Variants in ARF1 observed in about 807,000 individuals in gnomAD.
The protein encoded by ARF1 is ARF GTPase 1, also known as ADP-ribosylation factor 1.
Under a neutral mutation model 18.0 loss-of-function variants are expected in ARF1, and 1 was observed. The ratio of observed to expected loss-of-function variants is 0.06; its 90% confidence interval spans 0.02 to 0.26. The LOEUF is 0.26. Ranked by LOEUF, ARF1 falls within the 10% of genes least tolerant of loss-of-function variation. The pLI is 1.00. For missense variants in ARF1, 73 were observed against 247.2 expected, an observed-to-expected ratio of 0.30 and a Z score of 4.73; for synonymous variants, 112 against 96.3, an observed-to-expected ratio of 1.16 and a Z score of -0.95.
chr1:228,093,862 G>A lies in ARF1; in HGVS notation c.-37-3216G>A, dbSNP rs1021771603. Reference sequence around the variant, plus strand: ...AGAATCTCGAACCTGGGAGGCAGAGGTTGCAGTGAGCCGAGATCGCACCTG... The same window carrying A: ...AGAATCTCGAACCTGGGAGGCAGAGATTGCAGTGAGCCGAGATCGCACCTG... On this transcript the variant is annotated intron_variant, in intron 1 of 4. Transcript: ENST00000272102. Among the ~76,000 whole-genome samples the A allele has an allele frequency of 5.3e-5, 8 of 150,792 alleles. No individual in the cohort carries two copies. In the South Asian group the frequency reaches 6.3e-4, roughly 12 times the overall value.
intron 1 of ARF1, among the ~76,000 whole-genome samples, chr1:228,086,984 C>G (rs566228177): frequency 6.6e-6 from 1 of 152,282 alleles, no homozygotes; most frequent in East Asian, 1.9e-4. Flanking sequence ...AGGGAGAAAC[C>G]CCTGCTCATG....
intron 1 of ARF1, among the ~76,000 whole-genome samples, chr1:228,091,431 C>T (rs1192090081): frequency 6.6e-6 from 1 of 152,178 alleles, no homozygotes; most frequent in Non-Finnish European, 1.5e-5. Context: ...CCTCTAAAAA[C>T]ATCCTGAAAC....
intron 1 of ARF1, among the ~76,000 whole-genome samples, chr1:228,090,112 T>G (rs2032530384): frequency 1.3e-5 from 2 of 152,244 alleles, no homozygotes. Context: ...ATGTGGACAC[T>G]CGTCCTGCCC....
At chr1:228,088,196 G>C (rs1449534845) in intron 1 of ARF1, 1 of 152,440 alleles carries the variant, frequency 6.6e-6, no homozygotes, top group African/African-American at 2.4e-5. Flanking sequence ...CCATCCGGAA[G>C]GGGCTGAGTG....
At chr1:228,086,163 C>T (rs769314814) in intron 1 of ARF1, among the ~76,000 whole-genome samples, 8 of 152,286 alleles carry the variant, frequency 5.3e-5, no homozygotes, top group Non-Finnish European at 1.0e-4. Context: ...TCTACAGCCC[C>T]GTGTTTCCAC....
At chr1:228,086,830 A>G (rs1418951655) in intron 1 of ARF1, among the ~76,000 whole-genome samples, 6 of 152,228 alleles carry the variant, frequency 3.9e-5, no homozygotes, top group African/African-American at 1.4e-4. Context: ...ACCCTGATTT[A>G]TAGATGGCTG....
chr1:228,098,935 G>A lies in ARF1; in HGVS notation c.*922G>A, dbSNP rs1276680479. The A allele has an allele frequency of 1.3e-5, 2 of 152,588 alleles. No homozygotes were observed. The highest frequency in any genetic ancestry group is 2.9e-5 in the Non-Finnish European group (2 of 68,036). 9.5% of individuals were successfully genotyped at this position (152,588 alleles called of 1,614,324 possible). A position where few individuals can be genotyped will look rare whatever the true frequency, so the allele number is the denominator to read the frequency against. On this transcript the variant is annotated 3_prime_UTR_variant, in exon 5 of 5. Transcript: ENST00000272102. ...TCGGGAGCACCCCACCTCTGTGTGT[G>A]ATGTAGCTTTCTCTCCCTCAGCCTG...
chr1:228,092,927 TC>T (rs1330078229), intron 1 of ARF1, among the ~76,000 whole-genome samples: 3 of 152,192 alleles, frequency 2.0e-5, no homozygotes, highest in Non-Finnish European at 4.4e-5. Context: ...GAGTTGACTG[TC>T]CCGTTCTTTG....
At position 228,089,189 on chromosome 1, in the gene ARF1, C is replaced by CT; in HGVS notation, c.-38+6424_-38+6425insT. 6.6e-6 allele frequency among the ~76,000 whole-genome samples: 1 copy of CT among 152,166 alleles called. No individual in the cohort carries two copies. The highest frequency in any genetic ancestry group is 3.4e-3 in the Middle Eastern group (1 of 294). ...AAAGTCTTGAAGAGAAATGTGGGGTCGTTGTGTAGGGGCCACCATCACCTG... is the reference window on the plus strand; with the variant it reads ...AAAGTCTTGAAGAGAAATGTGGGGTCTGTTGTGTAGGGGCCACCATCACCTG... On this transcript the variant is annotated intron_variant, in intron 1 of 4. Coordinates refer to ENST00000272102, the MANE Select transcript of ARF1 (RefSeq NM_001658.4). This position sits in a 1 kb window ranked among gnomAD's most constrained non-coding sequence, Gnocchi z 4.1.
At chr1:228,092,533 C>T (rs1184211943) in intron 1 of ARF1, among the ~76,000 whole-genome samples, 1 of 152,234 alleles carries the variant, frequency 6.6e-6, no homozygotes, top group Non-Finnish European at 1.5e-5. Flanking sequence ...GTCAGCAGAA[C>T]AGAATCTTGG....
Position 228,097,771 on chromosome 1 carries a change from T to C in ARF1, c.384+56T>C, listed in dbSNP as rs560609119. 14 of 1,589,610 alleles carry C rather than the reference T, an allele frequency of 8.8e-6. 1 individual carries two copies. The African/African-American group carries it at 1.3e-4, about 15-fold the overall frequency. ...AGGAGCCAGTGTGGGTTCCGCCTGGTGGTAGGGGTTACTGGAGGCTGGTGG... is the reference window on the plus strand; with the variant it reads ...AGGAGCCAGTGTGGGTTCCGCCTGGCGGTAGGGGTTACTGGAGGCTGGTGG... On this transcript the variant is annotated intron_variant, in intron 4 of 4. Coordinates refer to ENST00000272102, the MANE Select transcript of ARF1 (RefSeq NM_001658.4). This position sits in a 1 kb window ranked among gnomAD's most constrained non-coding sequence, Gnocchi z 8.1.
chr1:228,085,874 C>T (rs1571834519), intron 1 of ARF1, among the ~76,000 whole-genome samples: 1 of 152,204 alleles, frequency 6.6e-6, no homozygotes, highest in African/African-American at 2.4e-5. Flanking sequence ...AAATACATAT[C>T]TGGCCTGCCT....
At chr1:228,084,034 T>C (rs1182654084) in intron 1 of ARF1, among the ~76,000 whole-genome samples, 2 of 152,226 alleles carry the variant, frequency 1.3e-5, no homozygotes, top group Non-Finnish European at 2.9e-5. Flanking sequence ...TTGCCGGCTG[T>C]TGCAAGGCTG....
At chr1:228,086,045 C>A (rs958804774) in intron 1 of ARF1, among the ~76,000 whole-genome samples, 1 of 152,140 alleles carries the variant, frequency 6.6e-6, no homozygotes, top group Non-Finnish European at 1.5e-5. Context: ...CTCCAATTTT[C>A]CCAGAGTGGA....
intron 1 of ARF1, 82 bp from the exon 2 acceptor site, chr1:228,096,996 T>C: frequency 7.8e-7 from 1 of 1,284,908 alleles, no homozygotes; most frequent in Non-Finnish European, 1.1e-6. Flanking sequence ...GGTGAGGCAG[T>C]GGTGCATCCC....
rs115388234 is a variant in ARF1, at chr1:228,085,933, T to C, written c.-38+3168T>C. Among the ~76,000 whole-genome samples, 436 of 152,304 alleles carry C rather than the reference T, an allele frequency of 2.9e-3. 6 individuals are homozygous for C. Among genetic ancestry groups the C allele is most frequent in the African/African-American group, 0.01 (427 of 41,560 alleles). On this transcript the variant is annotated intron_variant, in intron 1 of 4. Coordinates refer to ENST00000272102, the MANE Select transcript of ARF1 (RefSeq NM_001658.4). Reference sequence around the variant, plus strand: ...GGAATCTCCGAAGTGATGATGTCTTTTTGTACCCTAATGAGTTGACCAGTG... The same window carrying C: ...GGAATCTCCGAAGTGATGATGTCTTCTTGTACCCTAATGAGTTGACCAGTG...
intron 1 of ARF1, among the ~76,000 whole-genome samples, chr1:228,091,919 G>T (rs112958994): frequency 3.9e-5 from 6 of 152,068 alleles, no homozygotes; most frequent in Non-Finnish European, 8.8e-5. Context: ...AAATCTTCGT[G>T]TGGGACATGA....
At chr1:228,093,836 G>A (rs2032647805) in intron 1 of ARF1, among the ~76,000 whole-genome samples, 1 of 151,542 alleles carries the variant, frequency 6.6e-6, no homozygotes, top group African/African-American at 2.4e-5. Context: ...GCTGAGGCAA[G>A]AGAATCTCGA....
intron 1 of ARF1, among the ~76,000 whole-genome samples, chr1:228,091,293 T>C (rs2032567536): frequency 6.6e-6 from 1 of 152,192 alleles, no homozygotes; most frequent in African/African-American, 2.4e-5. Flanking sequence ...AAGTCAGACC[T>C]GATAGATAAT....
Sources: allele counts gnomAD v4.1 joint callset (sites outside exome capture counted in the v4.1 genomes callset), GRCh38; gene constraint gnomAD v4.1.1; non-coding constraint Gnocchi (gnomAD v3.1); transcripts MANE v1.5; gene names NCBI Gene and HGNC (gene_info 2026-07-23, HGNC 2026-07-21).